Variants in PACRG observed in about 807,000 individuals in gnomAD.
The protein encoded by PACRG is parkin coregulated.
PACRG carries 29 observed loss-of-function variants against 29.7 expected under a neutral mutation model. That is an observed-to-expected ratio of 0.98 (90% CI 0.73 to 1.33). PACRG has a LOEUF of 1.33. Ranked by LOEUF, PACRG falls within the 40% of genes most tolerant of loss-of-function variation. PACRG has a pLI of 0.00. For synonymous variants in PACRG, 116 were observed against 118.7 expected (o/e 0.98, Z 0.15); for missense variants, 279 against 316.2 (o/e 0.88, Z 0.89).
Position 162,814,170 on chromosome 6 carries a change from G to A in PACRG, c.180G>A (p.Gly60=), listed in dbSNP as rs138091090. 1.2e-3 allele frequency: 2,005 copies of A among 1,611,948 alleles called. 1 individual carries two copies. Among genetic ancestry groups the A allele is most frequent in the Non-Finnish European group, 1.5e-3 (1,821 of 1,178,760 alleles). Residue 60 remains glycine (G), a synonymous_variant, in exon 2 of 5, where the codon GGG becomes GGA. Transcript: ENST00000366888. ...AGGTGAGAGGCCCTCCAGCTGCAGG[G>A]GCATTTAAAGAAAGACCAACCAAGC... The part of the protein sequence containing the change: ...NSVVRGPPAA[G]AFKERPTKPT...
intron 4 of PACRG, among the ~76,000 whole-genome samples, chr6:163,180,678 T>G (rs1379864471): frequency 1.3e-5 from 2 of 151,890 alleles, no homozygotes. Flanking sequence ...TTTGTATGGT[T>G]ACAAAAAAAA....
chr6:163,118,798 A>C (rs1816133653), intron 4 of PACRG, among the ~76,000 whole-genome samples: 2 of 152,194 alleles, frequency 1.3e-5, no homozygotes, highest in East Asian at 1.9e-4. Flanking sequence ...AATGCTTCAA[A>C]TAGTGTTTCA....
In PACRG at chr6:163,010,879, G is replaced by A. The variant is rs544596549; in HGVS notation, c.292-51271G>A. The stretch of plus-strand genomic sequence containing the variant: ...GAGAGGCTGTGCAGTGACTGAGCGC[G>A]GGCCCCTCCAGAGTTACTCAGTGGG... On this transcript the variant is annotated intron_variant, in intron 2 of 4. Transcript: ENST00000366888. Among the ~76,000 whole-genome samples, 72 of 152,246 alleles carry A rather than the reference G, an allele frequency of 4.7e-4. 1 individual carries two copies. Among genetic ancestry groups the A allele is most frequent in the African/African-American group, 1.6e-3 (67 of 41,564 alleles).
At chr6:162,850,808 A>G (rs1392341676) in intron 2 of PACRG, among the ~76,000 whole-genome samples, 1 of 152,214 alleles carries the variant, frequency 6.6e-6, no homozygotes, top group Non-Finnish European at 1.5e-5. Flanking sequence ...TAACCAAACT[A>G]AAGAGGGAGT....
At chr6:163,236,313 C>T (rs969350235) in intron 4 of PACRG, among the ~76,000 whole-genome samples, 3 of 152,130 alleles carry the variant, frequency 2.0e-5, no homozygotes, top group Middle Eastern at 3.2e-3. Context: ...TGGCCTTCTT[C>T]TGAATACTCT....
At chr6:163,125,220 G>A (rs1035965333) in intron 4 of PACRG, among the ~76,000 whole-genome samples, 1 of 152,104 alleles carries the variant, frequency 6.6e-6, no homozygotes, top group Non-Finnish European at 1.5e-5. Flanking sequence ...AAAGTCAGGA[G>A]GTATGTCTCA....
At position 162,747,351 on chromosome 6, in the gene PACRG, TATATATATATATACAC is replaced by T. The variant is rs1240336402; in HGVS notation, c.156+18964_156+18979del. 8.7e-3 allele frequency among the ~76,000 whole-genome samples: 669 copies of T among 76,724 alleles called. 64 individuals carry two copies. Among genetic ancestry groups the T allele is most frequent in the African/African-American group, 0.042 (645 of 15,304 alleles). 50.3% of individuals were successfully genotyped at this position (76,724 alleles called of 152,430 possible). A position where few individuals can be genotyped will look rare whatever the true frequency, so the allele number is the denominator to read the frequency against. ...ATATATATATATATATATATATATA[TATATATATATATACAC>T]ATACATATATATGTATATATATGTA... On this transcript the variant is annotated intron_variant, in intron 1 of 4. Transcript: ENST00000366888.
chr6:162,771,618 A>C (rs999662545), intron 1 of PACRG, among the ~76,000 whole-genome samples: 11 of 152,162 alleles, frequency 7.2e-5, no homozygotes, highest in African/African-American at 2.4e-4. Context: ...CTATGTTAAA[A>C]TTAACCATCA....
intron 2 of PACRG, among the ~76,000 whole-genome samples, chr6:162,976,196 G>A (rs1358114258): frequency 6.6e-6 from 1 of 152,216 alleles, no homozygotes; most frequent in Non-Finnish European, 1.5e-5. Flanking sequence ...AATAACAGAG[G>A]CACTGAGTAG....
intron 4 of PACRG, among the ~76,000 whole-genome samples, chr6:163,152,910 C>T (rs1027656516): frequency 2.0e-5 from 3 of 152,134 alleles, no homozygotes; most frequent in African/African-American, 4.8e-5. Context: ...GGCCTATTAA[C>T]GGTAGTGAGC....
At position 162,734,045 on chromosome 6, in the gene PACRG, G is replaced by A. The variant is rs570666268; in HGVS notation, c.156+5654G>A. On this transcript the variant is annotated intron_variant, in intron 1 of 4. Transcript: ENST00000366888. Reference sequence around the variant, plus strand: ...GAAAAATTTATGGCACATAGTAGCTGCCATTTATCTTATTTTGATCAGTTG... The same window carrying A: ...GAAAAATTTATGGCACATAGTAGCTACCATTTATCTTATTTTGATCAGTTG... Among the ~76,000 whole-genome samples the A allele has an allele frequency of 1.2e-4, 19 of 152,220 alleles. No individual in the cohort carries two copies. The South Asian group carries it at 3.3e-3, about 27-fold the overall frequency.
At chr6:163,018,174 G>A (rs889131385) in intron 2 of PACRG, among the ~76,000 whole-genome samples, 1 of 152,062 alleles carries the variant, frequency 6.6e-6, no homozygotes, top group Admixed American at 6.6e-5. Context: ...TTATTTAGTA[G>A]GCATAATGCG....
At chr6:163,073,400 C>A (rs1463119782) in intron 3 of PACRG, among the ~76,000 whole-genome samples, 1 of 152,126 alleles carries the variant, frequency 6.6e-6, no homozygotes, top group Admixed American at 6.5e-5. Context: ...TGAAACTAGA[C>A]CCCCATCTCT....
intron 4 of PACRG, among the ~76,000 whole-genome samples, chr6:163,152,790 G>A (rs567000583): frequency 2.9e-4 from 44 of 152,286 alleles, no homozygotes; most frequent in Middle Eastern, 6.8e-3. Flanking sequence ...AAAAATCTTC[G>A]TTTTATATGT....
chr6:163,046,476 C>G (rs1156265989), intron 2 of PACRG: 3 of 151,650 alleles, frequency 2.0e-5, no homozygotes, highest in Non-Finnish European at 4.4e-5. Context: ...ATAATAACCC[C>G]AGGAATTAGG....
intron 2 of PACRG, among the ~76,000 whole-genome samples, chr6:162,892,477 C>G (rs1794837634): frequency 1.3e-5 from 2 of 152,146 alleles, no homozygotes; most frequent in Admixed American, 1.3e-4. Flanking sequence ...AATTTGATAA[C>G]CTTTCCTGAT....
Position 162,788,008 on chromosome 6 carries a change from T to C in PACRG, c.157-26139T>C, listed in dbSNP as rs938727511. ...AGTGTGGTACGTTTGTTACAACTGA[T>C]GAACCTGCACTGACACATCATTGTC... is the stretch of plus-strand genomic sequence containing the variant. On this transcript the variant is annotated intron_variant, in intron 1 of 4. Coordinates refer to ENST00000366888, the MANE Select transcript of PACRG (RefSeq NM_001080379.2). 6.6e-5 allele frequency among the ~76,000 whole-genome samples: 10 copies of C among 152,146 alleles called. 1 individual carries two copies. Among genetic ancestry groups the C allele is most frequent in the Admixed American group, 6.5e-4 (10 of 15,278 alleles).
At chr6:162,771,859 C>T (rs991582646) in intron 1 of PACRG, among the ~76,000 whole-genome samples, 1 of 152,006 alleles carries the variant, frequency 6.6e-6, no homozygotes, top group South Asian at 2.1e-4. Context: ...AACATTCTCT[C>T]GGATGGAGGT....
intron 4 of PACRG, among the ~76,000 whole-genome samples, chr6:163,144,620 T>C (rs1456422954): frequency 6.6e-6 from 1 of 151,792 alleles, no homozygotes; most frequent in African/African-American, 2.4e-5. Context: ...AATACAAAAA[T>C]TAGTTGGGCA....
Sources: gnomAD v4.1 joint callset for allele counts (sites outside exome capture counted in the v4.1 genomes callset) on GRCh38, gnomAD v4.1.1 for gene constraint, MANE v1.5 for transcripts, NCBI Gene and HGNC (gene_info 2026-07-23, HGNC 2026-07-21) for gene names.